TMEM242: variants seen among roughly 807,000 people sequenced by gnomAD.
TMEM242 encodes the protein transmembrane protein 242.
TMEM242 carries 10 observed loss-of-function variants against 18.2 expected under a neutral mutation model. The observed-to-expected ratio is 0.55, with a 90% CI of 0.34 to 0.93. TMEM242 has a LOEUF of 0.93. Ranked by LOEUF, TMEM242 falls within the 40% of genes least tolerant of loss-of-function variation. TMEM242 has a pLI of 0.02. For missense variants in TMEM242, 186 were observed against 175.5 expected, an observed-to-expected ratio of 1.06 and a Z score of -0.34; for synonymous variants, 57 against 69.9, an observed-to-expected ratio of 0.81 and a Z score of 0.92.
At position 157,311,115 on chromosome 6, in the gene TMEM242, C is replaced by G. The variant is rs797024937; in HGVS notation, c.327+7667G>C. On this transcript the variant is annotated intron_variant, in intron 3 of 3. Coordinates refer to ENST00000400788, the MANE Select transcript of TMEM242 (RefSeq NM_018452.6). The stretch of plus-strand genomic sequence containing the variant: ...CCACATCATAGTGTCCCAGTGTGCA[C>G]TCACCTAGCCCCATCATAGTGTCCC... Among the ~76,000 whole-genome samples, 844 of 104,320 alleles carry G rather than the reference C, an allele frequency of 8.1e-3. 3 individuals carry two copies. Among genetic ancestry groups the G allele is most frequent in the East Asian group, 0.033 (65 of 1,942 alleles). 68.4% of individuals were successfully genotyped at this position (104,320 alleles called of 152,430 possible).
At chr6:157,310,944 C>A (rs200476715) in intron 3 of TMEM242, among the ~76,000 whole-genome samples, 11 of 149,028 alleles carry the variant, frequency 7.4e-5, no homozygotes, top group Non-Finnish European at 1.0e-4. Context: ...ATCATAGTGC[C>A]CCAGTGTGCA....
intron 3 of TMEM242, chr6:157,318,396 A>AT (rs1215892948): frequency 5.6e-5 from 12 of 213,916 alleles, no homozygotes; most frequent in Admixed American, 4.6e-4. Context: ...CACCCAGCTA[A>AT]TTTTTTTATA....
chr6:157,313,366 A>G (rs1292239394), intron 3 of TMEM242, among the ~76,000 whole-genome samples: 6 of 67,192 alleles, frequency 8.9e-5, no homozygotes, highest in African/African-American at 3.9e-4. Context: ...ACCTGGCCTC[A>G]TCATAGTGCC....
chr6:157,314,280 A>G (rs990663717), intron 3 of TMEM242, among the ~76,000 whole-genome samples: 2 of 147,520 alleles, frequency 1.4e-5, no homozygotes, highest in Admixed American at 6.7e-5. Flanking sequence ...ACCTGGCCTC[A>G]TCATAGTGTC....
At chr6:157,315,441 C>T (rs139989435) in intron 3 of TMEM242, among the ~76,000 whole-genome samples, 86 of 152,262 alleles carry the variant, frequency 5.6e-4, no homozygotes, top group African/African-American at 1.9e-3. Flanking sequence ...TTTCTGTGGG[C>T]CTTCTCAAAC....
At chr6:157,312,207 G>C (rs377661667) in intron 3 of TMEM242, among the ~76,000 whole-genome samples, 552 of 13,250 alleles carry the variant, frequency 0.042, no homozygotes, top group African/African-American at 0.13. Context: ...TGTGCACTGA[G>C]CTAGCGTCAT....
At chr6:157,322,071 C>T (rs782394204) in intron 2 of TMEM242, among the ~76,000 whole-genome samples, 8 of 152,160 alleles carry the variant, frequency 5.3e-5, no homozygotes, top group Non-Finnish European at 1.0e-4. Context: ...TGATGTTTTA[C>T]GTAACACTTT....
chr6:157,312,209 TAGCGTCATCATAGTGCCCCAGTGTA>T (rs1778164647), intron 3 of TMEM242, among the ~76,000 whole-genome samples: 5 of 114,420 alleles, frequency 4.4e-5, no homozygotes, highest in Admixed American at 8.9e-5. Context: ...TGCACTGAGC[TAGCGTCATCATAGTGCCCCAGTGTA>T]CACTCATCTA....
intron 3 of TMEM242, among the ~76,000 whole-genome samples, chr6:157,310,313 C>A (rs1381282907): frequency 2.6e-5 from 4 of 151,714 alleles, no homozygotes; most frequent in East Asian, 3.9e-4. Context: ...TTTACCTCAA[C>A]TGTTCTCCAA....
chr6:157,316,051 G>A (rs151334141), intron 3 of TMEM242, among the ~76,000 whole-genome samples: 2 of 152,180 alleles, frequency 1.3e-5, no homozygotes, highest in African/African-American at 4.8e-5. Context: ...ATGAAAACTG[G>A]GATTGACTCT....
intron 3 of TMEM242, chr6:157,299,772 T>A (rs1455202582): frequency 6.2e-7 from 1 of 1,601,926 alleles, no homozygotes; most frequent in African/African-American, 1.3e-5. Flanking sequence ...TAATCTTTGC[T>A]ACAAACAATA....
At chr6:157,312,379 C>T (rs1265848033) in intron 3 of TMEM242, among the ~76,000 whole-genome samples, 1 of 107,700 alleles carries the variant, frequency 9.3e-6, no homozygotes, top group Non-Finnish European at 1.9e-5. Flanking sequence ...ACTCACCTGC[C>T]CTCATCATAG....
intron 2 of TMEM242, among the ~76,000 whole-genome samples, chr6:157,321,039 C>T (rs1445007218): frequency 1.4e-5 from 2 of 138,464 alleles, no homozygotes; most frequent in African/African-American, 5.5e-5. Flanking sequence ...GACGGAGTCT[C>T]GCTCTGTCAC....
At chr6:157,320,624 C>T (rs1356269130) in intron 2 of TMEM242, among the ~76,000 whole-genome samples, 1 of 152,146 alleles carries the variant, frequency 6.6e-6, no homozygotes, top group African/African-American at 2.4e-5. Flanking sequence ...GTGCATGCCA[C>T]CATGCCCAGC....
intron 3 of TMEM242, among the ~76,000 whole-genome samples, chr6:157,313,066 G>A (rs139001987): frequency 0.066 from 8,341 of 126,938 alleles, 205 homozygotes; most frequent in South Asian, 0.11. Flanking sequence ...CCTCATCATA[G>A]GGTCCCAGTA....
intron 3 of TMEM242, among the ~76,000 whole-genome samples, chr6:157,313,164 C>G (rs1554249643): frequency 3.1e-4 from 46 of 146,694 alleles, no homozygotes; most frequent in Middle Eastern, 3.6e-3. Flanking sequence ...CTGGCCTCAT[C>G]ATAGTGTCCC....
In TMEM242 at chr6:157,323,513, C is replaced by T. The variant is rs1443240351; in HGVS notation, c.-14G>A. 6.2e-6 allele frequency: 10 copies of T among 1,608,802 alleles called. No individual in the cohort carries two copies. Among genetic ancestry groups the T allele is most frequent in the Non-Finnish European group, 8.5e-6 (10 of 1,176,402 alleles). On this transcript the variant is annotated 5_prime_UTR_variant, in exon 1 of 4. Transcript: ENST00000400788. ...CGCTGTCTCCATGTTTAGGTCGCCT[C>T]TAGTGCGTCCGTCCCCAACTGGGCC... is the stretch of plus-strand genomic sequence containing the variant.
At chr6:157,323,036 C>G (rs1215909932) in intron 1 of TMEM242, among the ~76,000 whole-genome samples, 2 of 152,156 alleles carry the variant, frequency 1.3e-5, no homozygotes, top group Non-Finnish European at 2.9e-5. Flanking sequence ...ATTATTATTC[C>G]CGAGCGCAGA....
chr6:157,299,769 T>A, intron 3 of TMEM242: 1 of 1,602,118 alleles, frequency 6.2e-7, no homozygotes, highest in Non-Finnish European at 8.6e-7. Context: ...AGGTAATCTT[T>A]GCTACAAACA....
Sources: gnomAD v4.1 joint callset for allele counts (sites outside exome capture counted in the v4.1 genomes callset) on GRCh38, gnomAD v4.1.1 for gene constraint, MANE v1.5 for transcripts, NCBI Gene and HGNC (gene_info 2026-07-23, HGNC 2026-07-21) for gene names.